SMG7: variants seen among roughly 807,000 people sequenced by gnomAD.
SMG7 encodes nonsense-mediated mRNA decay factor SMG7.
A neutral mutation model predicts 148.2 loss-of-function variants in SMG7; 34 were observed. That is an observed-to-expected ratio of 0.23 (90% CI 0.17 to 0.31). The LOEUF is 0.31. Ranked by LOEUF, SMG7 falls within the 10% of genes least tolerant of loss-of-function variation. SMG7 has a pLI of 1.00. For missense variants in SMG7, 1,114 were observed against 1,408.4 expected (o/e 0.79, Z 3.35); for synonymous variants, 492 against 515.1 (o/e 0.96, Z 0.61).
At chr1:183,526,465 CA>C in intron 4 of SMG7, 130 bp from the exon 5 acceptor site, 1 of 606,464 alleles carries the variant, frequency 1.6e-6, no homozygotes, top group Non-Finnish European at 2.8e-6. Flanking sequence ...GAAAGATTAC[CA>C]TATAATTTTC....
chr1:183,542,073 T>A lies in SMG7; in HGVS notation c.1416-3T>A. 1 of 1,596,132 alleles carries A rather than the reference T, an allele frequency of 6.3e-7. No individual in the cohort carries two copies. Among genetic ancestry groups the A allele is most frequent in the Non-Finnish European group, 8.5e-7 (1 of 1,171,812 alleles). On this transcript the variant is annotated splice_region_variant and splice_polypyrimidine_tract_variant and intron_variant, in intron 13 of 22. Transcript: ENST00000688051. ...ATATATGGATTTATTTTTGCTTTTT[T>A]AGGCTGATTCAGTGTGAAAATGAGG...
chr1:183,478,841 C>T (rs770785184), intron 1 of SMG7, among the ~76,000 whole-genome samples: 3 of 152,222 alleles, frequency 2.0e-5, no homozygotes, highest in Admixed American at 6.5e-5. Context: ...ATAAAGCATA[C>T]GTCTTGTAGA....
intron 1 of SMG7, 33 bp downstream of exon 1, chr1:183,472,682 G>T: frequency 1.4e-6 from 2 of 1,458,446 alleles, no homozygotes; most frequent in Non-Finnish European, 9.1e-7. Flanking sequence ...TACGTAGGGG[G>T]AGCGGGCCGC....
At position 183,542,202 on chromosome 1, in the gene SMG7, G is replaced by A. The variant is rs141972824; in HGVS notation, c.1542G>A (p.Ser514=). The A allele has an allele frequency of 1.7e-5, 28 of 1,614,112 alleles. No homozygotes were observed. In the South Asian group the frequency reaches 2.2e-4, roughly 13 times the overall value. ...TGCAAGAAACATCTGTGATAGAGTC[G>A]CTGGCTGCAGATGGGAGCCCAGGGC... is the stretch of plus-strand genomic sequence containing the variant. ...LILQETSVIE[S]LAADGSPGLK... The change falls in exon 14 of 23, where the codon TCG becomes TCA. Residue 514 remains serine (S), a synonymous_variant. Coordinates refer to ENST00000688051, the MANE Select transcript of SMG7 (RefSeq NM_001375584.1).
intron 4 of SMG7, among the ~76,000 whole-genome samples, chr1:183,524,618 A>G (rs1456794794): frequency 6.6e-6 from 1 of 152,152 alleles, no homozygotes; most frequent in African/African-American, 2.4e-5. Flanking sequence ...CTTATTTTGT[A>G]TTTTGAATTC....
chr1:183,527,654 C>T lies in SMG7; in HGVS notation c.485-302C>T, dbSNP rs1320977818. 1.4e-5 allele frequency: 7 copies of T among 500,498 alleles called. No individual in the cohort carries two copies. The highest frequency in any genetic ancestry group is 1.4e-4 in the Admixed American group (6 of 43,462). 31.0% of individuals were successfully genotyped at this position (500,498 alleles called of 1,614,324 possible). On this transcript the variant is annotated intron_variant, in intron 5 of 22. Transcript: ENST00000688051. The surrounding 1 kb of genome is among the most constrained non-coding windows in gnomAD (Gnocchi z 4.0). The stretch of plus-strand genomic sequence containing the variant: ...CATATAACTCACCCCTTCTTGTGGG[C>T]CGGCTCCAGGTCACCAGCATAGTCC...
intron 1 of SMG7, among the ~76,000 whole-genome samples, chr1:183,489,950 C>G (rs935718067): frequency 1.3e-5 from 2 of 152,162 alleles, no homozygotes; most frequent in African/African-American, 4.8e-5. Context: ...TCAGCATCAC[C>G]TGGGAACTTA....
At chr1:183,534,913 T>C (rs1667480359) in intron 10 of SMG7, among the ~76,000 whole-genome samples, 2 of 152,076 alleles carry the variant, frequency 1.3e-5, no homozygotes, top group Admixed American at 6.6e-5. Context: ...CATGTAGTTA[T>C]AAGCTCTTTC....
chr1:183,531,424 C>CT (rs1666832169), intron 8 of SMG7, among the ~76,000 whole-genome samples: 1 of 152,114 alleles, frequency 6.6e-6, no homozygotes, highest in African/African-American at 2.4e-5. Flanking sequence ...TCTAATCTGA[C>CT]TTTATTCCTT....
chr1:183,515,868 A>T lies in SMG7; in HGVS notation c.62-6A>T. The T allele has an allele frequency of 6.3e-7, 1 of 1,595,864 alleles. No individual in the cohort carries two copies. The highest frequency in any genetic ancestry group is 1.3e-5 in the African/African-American group (1 of 74,470). On this transcript the variant is annotated splice_region_variant and splice_polypyrimidine_tract_variant and intron_variant, in intron 2 of 22. Coordinates refer to ENST00000688051, the MANE Select transcript of SMG7 (RefSeq NM_001375584.1). ...CTACCGTTATGTTTTTGTTTTTGTT[A>T]CTCAGATTCTAAGCTGGGTCCAGCT...
At chr1:183,476,800 G>A (rs1432534225) in intron 1 of SMG7, among the ~76,000 whole-genome samples, 3 of 152,012 alleles carry the variant, frequency 2.0e-5, no homozygotes, top group Non-Finnish European at 4.4e-5. Flanking sequence ...GTTCTAGGCC[G>A]AATAACATTG....
chr1:183,535,811 G>A lies in SMG7; in HGVS notation c.1164-1334G>A, dbSNP rs1005970885. Among the ~76,000 whole-genome samples, 11 of 152,148 alleles carry A rather than the reference G, an allele frequency of 7.2e-5. No homozygotes were observed. In the South Asian group the frequency reaches 8.3e-4, roughly 11 times the overall value. On this transcript the variant is annotated intron_variant, in intron 10 of 22. Transcript: ENST00000688051. ...TGCGCTTTTTCTACAGTGTTTTCTCGAGAGCTTATGTGTGTTGCATGAAGA... is the reference window on the plus strand; with the variant it reads ...TGCGCTTTTTCTACAGTGTTTTCTCAAGAGCTTATGTGTGTTGCATGAAGA...
chr1:183,545,573 A>T (rs1199346188), intron 16 of SMG7, among the ~76,000 whole-genome samples: 1 of 152,202 alleles, frequency 6.6e-6, no homozygotes, highest in Non-Finnish European at 1.5e-5. Context: ...ATTTTCTGCA[A>T]ATAATTCTCC....
rs1247241841 is a variant in SMG7 at position 183,549,939 on chromosome 1, T to C, written c.3133+16T>C. The stretch of plus-strand genomic sequence containing the variant: ...GCCAGTTCAGGTATTAACTACTCTT[T>C]AAATTATAGACCTTACATTTCCTGT... On this transcript the variant is annotated intron_variant, in intron 20 of 22. Coordinates refer to ENST00000688051, the MANE Select transcript of SMG7 (RefSeq NM_001375584.1). 6.3e-7 allele frequency: 1 copy of C among 1,593,530 alleles called. No homozygotes were observed. Among genetic ancestry groups the C allele is most frequent in the Non-Finnish European group, 8.6e-7 (1 of 1,162,036 alleles).
intron 4 of SMG7, among the ~76,000 whole-genome samples, chr1:183,518,145 G>A (rs574587417): frequency 8.6e-5 from 13 of 151,958 alleles, no homozygotes; most frequent in South Asian, 4.2e-4. Flanking sequence ...ATGGAGTCTC[G>A]CTATGTTGCC....
chr1:183,547,300 T>G, intron 18 of SMG7, 48 bp downstream of exon 18: 1 of 1,500,688 alleles, frequency 6.7e-7, no homozygotes, highest in Non-Finnish European at 9.0e-7. Flanking sequence ...CCCAGCTGCT[T>G]CTCTGAGATA....
intron 4 of SMG7, among the ~76,000 whole-genome samples, chr1:183,523,295 G>C (rs1264959795): frequency 2.0e-5 from 3 of 152,178 alleles, no homozygotes; most frequent in East Asian, 3.8e-4. Flanking sequence ...CCCAGAAACT[G>C]TTCTAGTACT....
chr1:183,483,285 A>G (rs1654620231), intron 1 of SMG7, among the ~76,000 whole-genome samples: 1 of 152,172 alleles, frequency 6.6e-6, no homozygotes, highest in Admixed American at 6.5e-5. Flanking sequence ...GTTGGGATAC[A>G]GTATAATGGA....
intron 20 of SMG7, 151 bp downstream of exon 20, chr1:183,550,074 GAA>G (rs373616685): frequency 1.1e-4 from 51 of 446,600 alleles, no homozygotes; most frequent in Middle Eastern, 6.6e-4. Context: ...AAAGGAAATA[GAA>G]AAAAAAAAAG....
Sources: gnomAD v4.1 joint callset for allele counts (sites outside exome capture counted in the v4.1 genomes callset) on GRCh38, gnomAD v4.1.1 for gene constraint, Gnocchi (gnomAD v3.1) non-coding constraint, MANE v1.5 for transcripts, NCBI Gene and HGNC (gene_info 2026-07-23, HGNC 2026-07-21) for gene names.